The following TMEM132B variants were observed in gnomAD, a reference collection of about 807,000 sequenced individuals.
TMEM132B encodes the protein transmembrane protein 132B.
Under a neutral mutation model 90.8 loss-of-function variants are expected in TMEM132B, and 18 were observed. The ratio of observed to expected loss-of-function variants is 0.20; its 90% CI spans 0.14 to 0.29. The LOEUF is 0.29. Ranked by LOEUF, TMEM132B falls within the 10% of genes least tolerant of loss-of-function variation. TMEM132B has a pLI of 1.00. For missense variants in TMEM132B, 1,096 were observed against 1,326.8 expected, an observed-to-expected ratio of 0.83 and a Z score of 2.70; for synonymous variants, 504 against 523.3, an observed-to-expected ratio of 0.96 and a Z score of 0.50.
intron 2 of TMEM132B, among the ~76,000 whole-genome samples, chr12:125,356,661 C>T (rs150318664): frequency 1.3e-3 from 200 of 152,352 alleles, no homozygotes; most frequent in African/African-American, 4.4e-3. Flanking sequence ...CATTTTTGCC[C>T]GTGTAGTCTG....
intron 6 of TMEM132B, among the ~76,000 whole-genome samples, chr12:125,649,504 T>C (rs1886852239): frequency 6.6e-6 from 1 of 152,180 alleles, no homozygotes. Flanking sequence ...GTTTCCTCAT[T>C]GGTAAGATCA....
At chr12:125,533,346 A>T (rs1264706240) in intron 4 of TMEM132B, among the ~76,000 whole-genome samples, 3 of 152,244 alleles carry the variant, frequency 2.0e-5, no homozygotes, top group Non-Finnish European at 2.9e-5. Flanking sequence ...ATTTAATAGC[A>T]GGGTGGTGTG....
chr12:125,201,505 C>T (rs1262343110), intron 1 of TMEM132B, among the ~76,000 whole-genome samples: 1 of 152,222 alleles, frequency 6.6e-6, no homozygotes, highest in Non-Finnish European at 1.5e-5. Flanking sequence ...CTTTATATCG[C>T]TCACTGCTTC....
At chr12:125,556,579 C>T (rs775892387) in intron 4 of TMEM132B, among the ~76,000 whole-genome samples, 1 of 152,138 alleles carries the variant, frequency 6.6e-6, no homozygotes, top group Admixed American at 6.5e-5. Context: ...AAAACCAGTT[C>T]CGTATGAATA....
At chr12:125,472,917 G>T (rs1012741364) in intron 3 of TMEM132B, among the ~76,000 whole-genome samples, 2 of 152,204 alleles carry the variant, frequency 1.3e-5, no homozygotes, top group African/African-American at 2.4e-5. Context: ...TGCAGTGTTT[G>T]TGAGTCCAGT....
chr12:125,540,712 G>C (rs1376712729), intron 4 of TMEM132B, among the ~76,000 whole-genome samples: 1 of 152,178 alleles, frequency 6.6e-6, no homozygotes, highest in African/African-American at 2.4e-5. Context: ...CTGGTTTGTG[G>C]TGTAATCTCT....
intron 1 of TMEM132B, among the ~76,000 whole-genome samples, chr12:125,227,576 G>C (rs1442134809): frequency 1.3e-5 from 2 of 152,094 alleles, no homozygotes; most frequent in Non-Finnish European, 2.9e-5. Flanking sequence ...AAGAGGGGTG[G>C]GGTTGCTGGT....
In TMEM132B at chr12:125,528,688, C is replaced by A. The variant is rs1883560229; in HGVS notation, c.1293+9063C>A. ...TTAGGGGCACTGACCCCTCTACAGT[C>A]AAAAATCTCAGTATAACTTTTGACT... On this transcript the variant is annotated intron_variant, in intron 4 of 8. Transcript: ENST00000682704. Among the ~76,000 whole-genome samples the A allele has an allele frequency of 2.6e-5, 4 of 152,130 alleles. No homozygotes were observed. In the South Asian group the frequency reaches 8.3e-4, roughly 32 times the overall value.
Position 125,660,626 on chromosome 12 carries a change from A to C in TMEM132B, c.*5916A>C, listed in dbSNP as rs2137073556. On this transcript the variant is annotated 3_prime_UTR_variant, in exon 9 of 9. Coordinates refer to ENST00000682704, the MANE Select transcript of TMEM132B (RefSeq NM_001366854.1). ...GACTATTCTATGACTCAAGACAACT[A>C]GGACACCATCATTTTCCAGATAAGA... 6.6e-6 allele frequency: 1 copy of C among 152,354 alleles called. No homozygotes were observed. The highest frequency in any genetic ancestry group is 2.4e-5 in the African/African-American group (1 of 41,592). The allele number at this position is 152,354 out of a possible 1,614,324, so 9.4% of individuals were successfully genotyped here. A position where few individuals can be genotyped will look rare whatever the true frequency, so the allele number is the denominator to read the frequency against.
At chr12:125,643,828 C>T (rs1479539985) in intron 5 of TMEM132B, among the ~76,000 whole-genome samples, 1 of 152,074 alleles carries the variant, frequency 6.6e-6, no homozygotes, top group African/African-American at 2.4e-5. Context: ...TTATATAACT[C>T]CATTAAATTA....
chr12:125,415,141 C>A lies in TMEM132B; in HGVS notation c.960-390C>A, dbSNP rs1020642885. Among the ~76,000 whole-genome samples the A allele has an allele frequency of 6.6e-6, 1 of 152,124 alleles. No individual in the cohort carries two copies. Among genetic ancestry groups the A allele is most frequent in the African/African-American group, 2.4e-5 (1 of 41,412 alleles). Reference sequence around the variant, plus strand: ...GTGTGATCTTCTGGCCTTGCACAACCCACCCCGCATCTTAAAGACTCTTCT... The same window carrying A: ...GTGTGATCTTCTGGCCTTGCACAACACACCCCGCATCTTAAAGACTCTTCT... On this transcript the variant is annotated intron_variant, in intron 2 of 8. Transcript: ENST00000682704. The surrounding 1 kb of genome is among the most constrained non-coding windows in gnomAD (Gnocchi z 5.3).
intron 3 of TMEM132B, among the ~76,000 whole-genome samples, chr12:125,478,832 A>C (rs1340837028): frequency 6.6e-6 from 1 of 152,222 alleles, no homozygotes. Context: ...AGTTGAAATG[A>C]AGGAAAAAAT....
chr12:125,657,139 C>T lies in TMEM132B; in HGVS notation c.*2429C>T, dbSNP rs142623478. 1.1e-3 allele frequency: 166 copies of T among 152,296 alleles called. No individual in the cohort carries two copies. Among genetic ancestry groups the T allele is most frequent in the African/African-American group, 3.8e-3 (157 of 41,544 alleles). 9.4% of individuals were successfully genotyped at this position (152,296 alleles called of 1,614,324 possible). On this transcript the variant is annotated 3_prime_UTR_variant, in exon 9 of 9. Coordinates refer to ENST00000682704, the MANE Select transcript of TMEM132B (RefSeq NM_001366854.1). ...TTTCTCAGCAGGGCTGGAAACTGGC[C>T]ACAGTCCTGAAGATGCTTCTTGTGA... is the stretch of plus-strand genomic sequence containing the variant.
intron 1 of TMEM132B, among the ~76,000 whole-genome samples, chr12:125,337,996 G>A (rs536636485): frequency 2.1e-4 from 32 of 152,216 alleles, no homozygotes; most frequent in South Asian, 6.2e-4. Context: ...AGACAGCAGC[G>A]CTCTCTCTAT....
chr12:125,403,941 C>G (rs1227260664), intron 2 of TMEM132B, among the ~76,000 whole-genome samples: 3 of 152,132 alleles, frequency 2.0e-5, no homozygotes, highest in Non-Finnish European at 4.4e-5. Flanking sequence ...AAACCTGGCT[C>G]TGGGATCTTT....
intron 3 of TMEM132B, among the ~76,000 whole-genome samples, chr12:125,437,734 T>A (rs1212670992): frequency 2.6e-5 from 4 of 152,120 alleles, no homozygotes; most frequent in Non-Finnish European, 5.9e-5. Context: ...GGCCACATGG[T>A]GTGTGATTCC....
At chr12:125,462,874 G>C (rs1881476968) in intron 3 of TMEM132B, among the ~76,000 whole-genome samples, 1 of 152,138 alleles carries the variant, frequency 6.6e-6, no homozygotes, top group African/African-American at 2.4e-5. Flanking sequence ...TTGTTTGTTT[G>C]TTTGAGCCAT....
intron 1 of TMEM132B, among the ~76,000 whole-genome samples, chr12:125,201,918 A>T (rs1323565833): frequency 6.6e-6 from 1 of 152,080 alleles, no homozygotes; most frequent in Non-Finnish European, 1.5e-5. Context: ...CTCCCACATT[A>T]TTTCGTATTC....
chr12:125,457,473 C>T (rs1326788619), intron 3 of TMEM132B, among the ~76,000 whole-genome samples: 4 of 152,188 alleles, frequency 2.6e-5, no homozygotes, highest in African/African-American at 7.2e-5. Context: ...GCATAATTAA[C>T]GTCAGCCAGA....
Sources: gnomAD v4.1 joint callset for allele counts (sites outside exome capture counted in the v4.1 genomes callset) on GRCh38, gnomAD v4.1.1 for gene constraint, Gnocchi (gnomAD v3.1) non-coding constraint, MANE v1.5 for transcripts, NCBI Gene and HGNC (gene_info 2026-07-23, HGNC 2026-07-21) for gene names.